BUD23: variants seen among roughly 807,000 people sequenced by gnomAD.
BUD23 encodes BUD23 rRNA methyltransferase and ribosome maturation factor.
BUD23 carries 34 observed loss-of-function variants against 47.0 expected under a neutral mutation model. The ratio of observed to expected loss-of-function variants is 0.72; its 90% CI spans 0.55 to 0.96. The LOEUF (loss-of-function observed/expected upper bound fraction) is 0.96, where lower values mean the gene tolerates loss of function less well. BUD23 is among the 40% of genes least tolerant of loss of function. BUD23 has a pLI of 0.00. For synonymous variants in BUD23, 124 were observed against 132.0 expected (o/e 0.94, Z 0.41); for missense variants, 343 against 361.2 (o/e 0.95, Z 0.41).
At chr7:73,688,322 C>T (rs927647197) in intron 5 of BUD23, among the ~76,000 whole-genome samples, 97 of 152,258 alleles carry the variant, frequency 6.4e-4, no homozygotes, top group African/African-American at 1.9e-3. Flanking sequence ...ATTGCACTTC[C>T]AGCCTGGGTG....
At chr7:73,697,296 C>T in intron 10 of BUD23, 2 of 697,750 alleles carry the variant, frequency 2.9e-6, no homozygotes, top group Non-Finnish European at 4.8e-6. Context: ...TAGAAAGCGG[C>T]CTGCTTACTG....
chr7:73,685,630 G>A (rs1270051132), intron 2 of BUD23, among the ~76,000 whole-genome samples: 1 of 152,112 alleles, frequency 6.6e-6, no homozygotes, highest in East Asian at 2.0e-4. Flanking sequence ...GATCTGGTAA[G>A]TTGCTCACGG....
chr7:73,693,333 A>C lies in BUD23; in HGVS notation c.515A>C (p.Glu172Ala). 1 of 1,613,802 alleles carries C rather than the reference A, an allele frequency of 6.2e-7. No individual in the cohort carries two copies. The highest frequency in any genetic ancestry group is 8.5e-7 in the Non-Finnish European group (1 of 1,179,906). Reference protein sequence around the residue: ...QLYPENSEQLELITTQATKAG... With the variant: ...QLYPENSEQLALITTQATKAG... Reference sequence around the variant, plus strand: ...CCGCTGCCTTTCTTTCCTCAGTTGGAGCTGATCACAACCCAGGCCACAAAG... The same window carrying C: ...CCGCTGCCTTTCTTTCCTCAGTTGGCGCTGATCACAACCCAGGCCACAAAG... The change falls in exon 8 of 12, where the codon GAG becomes GCG. Residue 172 changes from glutamate to alanine, a missense_variant. By Grantham distance (107) the Glu-to-Ala change is moderately radical (BLOSUM62 -1). Coordinates refer to ENST00000265758, the MANE Select transcript of BUD23 (RefSeq NM_017528.5).
In BUD23 at chr7:73,693,420, C is replaced by T. The variant is rs369316513; in HGVS notation, c.596+6C>T. ...AACAGTGCCAAAGCAAAGAAGTGAG[C>T]GCTGGGGGCCGGTGTGCTGCCTGGG... is the stretch of plus-strand genomic sequence containing the variant. On this transcript the variant is annotated splice_donor_region_variant and intron_variant, in intron 8 of 11. Coordinates refer to ENST00000265758, the MANE Select transcript of BUD23 (RefSeq NM_017528.5). The T allele has an allele frequency of 3.6e-5, 58 of 1,614,006 alleles. No homozygotes were observed. Among genetic ancestry groups the T allele is most frequent in the East Asian group, 2.7e-4 (12 of 44,880 alleles).
chr7:73,684,979 G>A (rs1220384232), intron 2 of BUD23, among the ~76,000 whole-genome samples: 1 of 130,464 alleles, frequency 7.7e-6, no homozygotes, highest in Non-Finnish European at 1.5e-5. Context: ...TGGTTTTTCC[G>A]TGCTCTCTCA....
chr7:73,687,555 G>A (rs1171396335), intron 5 of BUD23, among the ~76,000 whole-genome samples: 3 of 152,152 alleles, frequency 2.0e-5, no homozygotes, highest in African/African-American at 7.2e-5. Context: ...GATTACAGGT[G>A]TGAGCCACCG....
chr7:73,689,360 T>G (rs1345544524), intron 5 of BUD23, among the ~76,000 whole-genome samples: 1 of 152,166 alleles, frequency 6.6e-6, no homozygotes, highest in Non-Finnish European at 1.5e-5. Context: ...ACTTTTTTTT[T>G]TTTTTTAAAC....
chr7:73,685,058 G>A (rs1044041669), intron 2 of BUD23, among the ~76,000 whole-genome samples: 2 of 148,002 alleles, frequency 1.4e-5, no homozygotes, highest in Non-Finnish European at 3.0e-5. Flanking sequence ...AGTAATCCCA[G>A]CCCTGTGGGA....
At chr7:73,686,193 T>G (rs1283226089) in intron 2 of BUD23, among the ~76,000 whole-genome samples, 1 of 152,240 alleles carries the variant, frequency 6.6e-6, no homozygotes, top group African/African-American at 2.4e-5. Context: ...GCTCACATTC[T>G]GTTTCTCACA....
Position 73,690,975 on chromosome 7 carries a change from G to C in BUD23, c.422G>C (p.Arg141Pro), listed in dbSNP as rs147638131. 2 of 1,614,162 alleles carry C rather than the reference G, an allele frequency of 1.2e-6. No homozygotes were observed. Among genetic ancestry groups the C allele is most frequent in the Non-Finnish European group, 1.7e-6 (2 of 1,180,042 alleles). ...ANKKSENPAK[R>P]LYCFFASLFS... ...AAGAAGTCTGAAAACCCTGCCAAGC[G>C]CCTGTACTGCTTTTTTGCTTCTCTT... The change falls in exon 6 of 12, where the codon CGC becomes CCC. Residue 141 changes from arginine to proline, a missense_variant. Transcript: ENST00000265758.
At chr7:73,691,275 C>A (rs1798186279) in intron 6 of BUD23, among the ~76,000 whole-genome samples, 1 of 152,170 alleles carries the variant, frequency 6.6e-6, no homozygotes, top group Non-Finnish European at 1.5e-5. Flanking sequence ...TGTAATAGGG[C>A]CTACTTCTGT....
chr7:73,692,561 C>G (rs782394765), intron 6 of BUD23, 35 bp from the exon 7 acceptor site: 12 of 1,608,386 alleles, frequency 7.5e-6, no homozygotes, highest in Non-Finnish European at 5.1e-6. Flanking sequence ...CTCATGCAGT[C>G]ATTTGTAAGA....
chr7:73,694,643 A>G (rs1490174675), intron 10 of BUD23: 2 of 152,472 alleles, frequency 1.3e-5, no homozygotes, highest in Non-Finnish European at 2.9e-5. Context: ...ACCAATTTCC[A>G]TCAAGCCACA....
chr7:73,686,508 C>T (rs908097747), intron 2 of BUD23, 128 bp from the exon 3 acceptor site: 9 of 828,464 alleles, frequency 1.1e-5, no homozygotes, highest in Non-Finnish European at 1.8e-5. Flanking sequence ...AAAAGAGTAC[C>T]TCGGGATGAT....
chr7:73,690,841 A>T lies in BUD23; in HGVS notation c.363-75A>T, dbSNP rs1167622230. On this transcript the variant is annotated intron_variant, in intron 5 of 11. Transcript: ENST00000265758. The stretch of plus-strand genomic sequence containing the variant: ...TTCTCTTGGAGAGCCAGGACGGATG[A>T]TGTCAAGAGGCTTGAAGTGGTTGGG... 4 of 1,156,462 alleles carry T rather than the reference A, an allele frequency of 3.5e-6. No homozygotes were observed. The African/African-American group carries it at 6.2e-5, about 18-fold the overall frequency. 71.6% of individuals were successfully genotyped at this position (1,156,462 alleles called of 1,614,324 possible). A position where few individuals can be genotyped will look rare whatever the true frequency, so the allele number is the denominator to read the frequency against.
chr7:73,689,895 G>A (rs1301837343), intron 5 of BUD23, among the ~76,000 whole-genome samples: 3 of 152,192 alleles, frequency 2.0e-5, no homozygotes, highest in African/African-American at 7.2e-5. Flanking sequence ...GTGCGGGGAA[G>A]TGAAAGTTGG....
intron 2 of BUD23, 100 bp from the exon 3 acceptor site, chr7:73,686,536 G>C: frequency 9.3e-7 from 1 of 1,071,162 alleles, no homozygotes; most frequent in Non-Finnish European, 1.4e-6. Context: ...TTTTTTGTTT[G>C]TTTTTAACTT....
chr7:73,696,167 T>C (rs553920851), intron 10 of BUD23: 4 of 152,374 alleles, frequency 2.6e-5, no homozygotes, highest in East Asian at 1.9e-4. Context: ...TGCATGTGTT[T>C]GGAAGGCCCA....
Position 73,693,384 on chromosome 7 carries a change from T to C in BUD23, c.566T>C (p.Val189Ala). Reference sequence around the variant, plus strand: ...GCAGGCTTCTCCGGTGGCATGGTGGTAGACTACCCTAACAGTGCCAAAGCA... The same window carrying C: ...GCAGGCTTCTCCGGTGGCATGGTGGCAGACTACCCTAACAGTGCCAAAGCA... Reference protein sequence around the residue: ...TKAGFSGGMVVDYPNSAKAKK... With the variant: ...TKAGFSGGMVADYPNSAKAKK... Residue 189 changes from valine (V) to alanine (A), a missense_variant, in exon 8 of 12, where the codon GTA (valine) becomes GCA (alanine). Transcript: ENST00000265758. 1 of 1,614,120 alleles carries C rather than the reference T, an allele frequency of 6.2e-7. No individual in the cohort carries two copies. The highest frequency in any genetic ancestry group is 1.3e-5 in the African/African-American group (1 of 75,030).
Sources: allele counts gnomAD v4.1 joint callset (sites outside exome capture counted in the v4.1 genomes callset), GRCh38; gene constraint gnomAD v4.1.1; transcripts MANE v1.5; gene names NCBI Gene and HGNC (gene_info 2026-07-23, HGNC 2026-07-21).